MOGAT1: variants seen among roughly 807,000 people sequenced by gnomAD.
MOGAT1 encodes monoacylglycerol O-acyltransferase 1.
In MOGAT1, 32 loss-of-function variants were observed where a neutral mutation model predicts 31.4. The observed-to-expected ratio is 1.02, with a 90% CI of 0.77 to 1.37. The LOEUF (loss-of-function observed/expected upper bound fraction) is 1.37. Among genes scored for constraint, MOGAT1 ranks in the 40% most tolerant of loss-of-function variants. The probability of loss-of-function intolerance (pLI) is 0.00; values close to 1 mark genes in which losing one functional copy is unlikely to be tolerated. For synonymous variants in MOGAT1, 145 were observed against 144.5 expected, an observed-to-expected ratio of 1.00 and a Z score of -0.03; for missense variants, 426 against 402.0, an observed-to-expected ratio of 1.06 and a Z score of -0.51.
chr2:222,685,837 G>A (rs1014492478), intron 1 of MOGAT1, among the ~76,000 whole-genome samples: 1 of 151,728 alleles, frequency 6.6e-6, no homozygotes, highest in African/African-American at 2.4e-5. Context: ...CTGACCTCAG[G>A]TATCCACCCA....
intron 1 of MOGAT1, among the ~76,000 whole-genome samples, chr2:222,673,318 A>T: frequency 1.2e-5 from 1 of 83,302 alleles, no homozygotes; most frequent in African/African-American, 4.8e-5. Flanking sequence ...CTGTGCTGCT[A>T]GGTAGAATTT....
chr2:222,706,148 C>T (rs755495878), intron 5 of MOGAT1, among the ~76,000 whole-genome samples: 5 of 152,148 alleles, frequency 3.3e-5, no homozygotes, highest in Non-Finnish European at 7.3e-5. Context: ...ATGTCTATCT[C>T]ACAGTTTAAA....
rs774550998 is a variant in MOGAT1, at chr2:222,695,207, G to T, written c.772G>T (p.Ala258Ser). The T allele has an allele frequency of 1.9e-6, 3 of 1,613,554 alleles. No homozygotes were observed. In the Admixed American group the frequency reaches 5.0e-5, roughly 27 times the overall value. ...TAAACTGCAGAAGATCATGGGGTTT[G>T]CTTTGCCCCTGTTTCATGCCAGGGG... is the stretch of plus-strand genomic sequence containing the variant. ...QNKLQKIMGF[A>S]LPLFHARGVF... The change falls in exon 5 of 6, where the codon GCT becomes TCT. Residue 258 changes from alanine (A) to serine (S), a missense_variant. Coordinates refer to ENST00000446656, the MANE Select transcript of MOGAT1 (RefSeq NM_058165.3).
chr2:222,678,524 G>A (rs1490697765), intron 1 of MOGAT1, among the ~76,000 whole-genome samples: 1 of 152,144 alleles, frequency 6.6e-6, no homozygotes, highest in African/African-American at 2.4e-5. Context: ...TTTTCTTTCA[G>A]TCTATGGATT....
chr2:222,694,296 T>A, intron 3 of MOGAT1, 66 bp from the exon 4 acceptor site: 1 of 1,377,062 alleles, frequency 7.3e-7, no homozygotes, highest in East Asian at 2.5e-5. Flanking sequence ...TCATGGAATA[T>A]TATGATAAAA....
intron 5 of MOGAT1, among the ~76,000 whole-genome samples, chr2:222,709,535 G>A (rs897364935): frequency 1.3e-5 from 2 of 152,220 alleles, no homozygotes; most frequent in African/African-American, 4.8e-5. Flanking sequence ...TCCAGTGTCT[G>A]CTGAGGAGGA....
chr2:222,683,961 T>C (rs1692624445), intron 1 of MOGAT1, among the ~76,000 whole-genome samples: 1 of 152,224 alleles, frequency 6.6e-6, no homozygotes, highest in Non-Finnish European at 1.5e-5. Flanking sequence ...TGTAACAGCG[T>C]AGACCTTTGT....
rs1385603154 is a variant in MOGAT1, at chr2:222,690,176, G to A, written c.478+707G>A. ...AGGCTGAGGTGGAAGGATCACCTGA[G>A]CTTGGGAGGTCAAGGCTGCAGTGAC... On this transcript the variant is annotated intron_variant, in intron 3 of 5. Coordinates refer to ENST00000446656, the MANE Select transcript of MOGAT1 (RefSeq NM_058165.3). Among the ~76,000 whole-genome samples, 4 of 152,024 alleles carry A rather than the reference G, an allele frequency of 2.6e-5. No homozygotes were observed. The East Asian group carries it at 7.7e-4, about 29-fold the overall frequency.
intron 4 of MOGAT1, among the ~76,000 whole-genome samples, 163 bp from the exon 5 acceptor site, chr2:222,694,926 G>A (rs534850107): frequency 6.6e-6 from 1 of 152,278 alleles, no homozygotes; most frequent in Admixed American, 6.5e-5. Context: ...CCTAAAGAAT[G>A]TCAAGTTTAA....
At chr2:222,700,031 C>CT (rs1038777272) in intron 5 of MOGAT1, among the ~76,000 whole-genome samples, 5 of 152,138 alleles carry the variant, frequency 3.3e-5, no homozygotes, top group Non-Finnish European at 2.9e-5. Context: ...AAGCTGGTTA[C>CT]TTTTTTGGCA....
intron 5 of MOGAT1, among the ~76,000 whole-genome samples, chr2:222,695,919 C>T (rs866742947): frequency 1.9e-4 from 29 of 152,138 alleles, no homozygotes; most frequent in Admixed American, 1.0e-3. Context: ...ACCCCTCTTC[C>T]ACTCTTTCCC....
chr2:222,709,901 A>C lies in MOGAT1; in HGVS notation c.*11A>C. On this transcript the variant is annotated 3_prime_UTR_variant, in exon 6 of 6. Coordinates refer to ENST00000446656, the MANE Select transcript of MOGAT1 (RefSeq NM_058165.3). ...CTTGTTTTAAAATGACTTGACTATAAAAAAAAATTAAAAAATAAAAATAAA... is the reference window on the plus strand; with the variant it reads ...CTTGTTTTAAAATGACTTGACTATACAAAAAAATTAAAAAATAAAAATAAA... 6.5e-7 allele frequency: 1 copy of C among 1,541,754 alleles called. No homozygotes were observed.
chr2:222,696,000 G>A (rs1479241661), intron 5 of MOGAT1, among the ~76,000 whole-genome samples: 1 of 152,124 alleles, frequency 6.6e-6, no homozygotes, highest in Non-Finnish European at 1.5e-5. Context: ...CCACTTATGA[G>A]TGAGAACATA....
chr2:222,705,040 G>GT (rs1172451293), intron 5 of MOGAT1, among the ~76,000 whole-genome samples: 3 of 152,144 alleles, frequency 2.0e-5, no homozygotes, highest in Non-Finnish European at 4.4e-5. Context: ...ACAGAGCATG[G>GT]TTATTTTTTT....
At chr2:222,690,590 T>C (rs980085435) in intron 3 of MOGAT1, among the ~76,000 whole-genome samples, 4 of 152,112 alleles carry the variant, frequency 2.6e-5, no homozygotes, top group Non-Finnish European at 4.4e-5. Context: ...GAATTGTTCA[T>C]GGTCCTCTAG....
chr2:222,705,295 C>G (rs557467930), intron 5 of MOGAT1, among the ~76,000 whole-genome samples: 24 of 152,308 alleles, frequency 1.6e-4, no homozygotes, highest in South Asian at 2.1e-4. Flanking sequence ...TTGTGCCAAC[C>G]TCCTATCTCA....
intron 5 of MOGAT1, among the ~76,000 whole-genome samples, chr2:222,703,832 T>C (rs1692965284): frequency 2.7e-5 from 1 of 37,208 alleles, no homozygotes; most frequent in Non-Finnish European, 7.7e-5. Context: ...AAACAAAGAT[T>C]TTTTTTTTTC....
rs1553562912 is a variant in MOGAT1 at position 222,701,299 on chromosome 2, G to GGAGAGAGA, written c.853+6034_853+6041dup. Among the ~76,000 whole-genome samples the GGAGAGAGA allele has an allele frequency of 8.9e-3, 808 of 90,524 alleles. 12 individuals carry two copies. The highest frequency in any genetic ancestry group is 0.032 in the African/African-American group (709 of 22,416). 59.4% of individuals were successfully genotyped at this position (90,524 alleles called of 152,430 possible). Reference sequence around the variant, plus strand: ...AAGAGAGAGAGAGAGAGGAGGAGGAGGAGAGAGAGAGAGAGAGAGAGAGAG... The same window carrying GGAGAGAGA: ...AAGAGAGAGAGAGAGAGGAGGAGGAGGAGAGAGAGAGAGAGAGAGAGAGAGAGAGAGAG... On this transcript the variant is annotated intron_variant, in intron 5 of 5. Transcript: ENST00000446656.
intron 5 of MOGAT1, 36 bp downstream of exon 5, chr2:222,695,324 T>C: frequency 7.1e-7 from 1 of 1,413,534 alleles, no homozygotes; most frequent in Non-Finnish European, 9.7e-7. Context: ...ATTAGCTTAC[T>C]TTAAGCAATG....
Sources: gnomAD v4.1 joint callset for allele counts (sites outside exome capture counted in the v4.1 genomes callset) on GRCh38, gnomAD v4.1.1 for gene constraint, MANE v1.5 for transcripts, NCBI Gene and HGNC (gene_info 2026-07-23, HGNC 2026-07-21) for gene names.